Variants in DDX10 observed in about 807,000 individuals in gnomAD.
The protein encoded by DDX10 is DEAD-box helicase 10.
Under a neutral mutation model 104.3 loss-of-function variants are expected in DDX10, and 74 were observed. That is an observed-to-expected ratio of 0.71 (90% CI 0.59 to 0.86). The LOEUF (loss-of-function observed/expected upper bound fraction) is 0.86, where lower values mean the gene tolerates loss of function less well. DDX10 is among the 40% of genes least tolerant of loss of function. The probability of loss-of-function intolerance (pLI) is 0.00; values close to 1 mark genes in which losing one functional copy is unlikely to be tolerated. For synonymous variants in DDX10, 351 were observed against 353.4 expected, an observed-to-expected ratio of 0.99 and a Z score of 0.08; for missense variants, 952 against 1,040.0, an observed-to-expected ratio of 0.92 and a Z score of 1.16.
chr11:108,844,570 A>G (rs1862688052), intron 15 of DDX10, among the ~76,000 whole-genome samples: 1 of 152,230 alleles, frequency 6.6e-6, no homozygotes, highest in African/African-American at 2.4e-5. Context: ...AAAGTGAAGC[A>G]GTGATGTTTG....
chr11:108,741,163 G>C (rs543288791), intron 13 of DDX10, among the ~76,000 whole-genome samples: 2 of 152,204 alleles, frequency 1.3e-5, no homozygotes, highest in East Asian at 3.9e-4. Context: ...ATGAGCCTAT[G>C]CATCTGTTTT....
intron 6 of DDX10, among the ~76,000 whole-genome samples, chr11:108,684,141 C>CTTT (rs56168476): frequency 6.4e-5 from 2 of 31,308 alleles, no homozygotes; most frequent in African/African-American, 2.5e-4. Context: ...ATTTCCAGTT[C>CTTT]TTTTTTTTTT....
intron 13 of DDX10, among the ~76,000 whole-genome samples, chr11:108,782,005 C>T (rs1351425662): frequency 6.6e-6 from 1 of 152,192 alleles, no homozygotes; most frequent in African/African-American, 2.4e-5. Flanking sequence ...AGTAAATTTT[C>T]TCCTTGAGGA....
intron 13 of DDX10, among the ~76,000 whole-genome samples, chr11:108,782,797 A>G (rs1433462135): frequency 1.3e-5 from 2 of 152,142 alleles, no homozygotes; most frequent in Non-Finnish European, 2.9e-5. Flanking sequence ...GAGTATACAT[A>G]GAATCCAATA....
chr11:108,913,066 G>A (rs1863700679), intron 16 of DDX10, among the ~76,000 whole-genome samples: 1 of 152,178 alleles, frequency 6.6e-6, no homozygotes, highest in South Asian at 2.1e-4. Context: ...GGTTCTGTCA[G>A]CCCAAAACAT....
chr11:108,860,472 A>G (rs960730332), intron 16 of DDX10: 8 of 152,206 alleles, frequency 5.3e-5, no homozygotes, highest in Admixed American at 3.9e-4. Context: ...CACTTAGTCA[A>G]AATTGAAGAC....
At chr11:108,865,619 A>G (rs912123044) in intron 16 of DDX10, among the ~76,000 whole-genome samples, 2 of 152,072 alleles carry the variant, frequency 1.3e-5, no homozygotes, top group African/African-American at 4.8e-5. Context: ...AAATTGGTGA[A>G]TCATAGAGGA....
At chr11:108,723,956 T>C (rs973237680) in intron 13 of DDX10, among the ~76,000 whole-genome samples, 2 of 152,184 alleles carry the variant, frequency 1.3e-5, no homozygotes, top group African/African-American at 2.4e-5. Context: ...TATGAATGTT[T>C]ATGAAAAGTT....
chr11:108,718,787 C>A (rs563643795), intron 11 of DDX10, among the ~76,000 whole-genome samples: 2 of 152,158 alleles, frequency 1.3e-5, no homozygotes, highest in East Asian at 1.9e-4. Flanking sequence ...CTGGATAGAA[C>A]AAAAGTGATA....
rs869132450 is a variant in DDX10 at position 108,911,556 on chromosome 11, CTTTTTTTTTTTTTTTTTTT to C, written c.2305-6304_2305-6286del. Among the ~76,000 whole-genome samples the C allele has an allele frequency of 1.7e-4, 11 of 63,690 alleles. 1 individual carries two copies. In the Admixed American group the frequency reaches 1.9e-3, roughly 11 times the overall value. 41.8% of individuals were successfully genotyped at this position (63,690 alleles called of 152,430 possible). A position where few individuals can be genotyped will look rare whatever the true frequency, so the allele number is the denominator to read the frequency against. On this transcript the variant is annotated intron_variant, in intron 16 of 17. Transcript: ENST00000322536. ...GTTCCCAAAAGCTTTGCCTCCTCTT[CTTTTTTTTTTTTTTTTTTT>C]TTTTTTTTTTTTGAGACAGGACCTA...
intron 13 of DDX10, among the ~76,000 whole-genome samples, chr11:108,809,003 G>A (rs753624093): frequency 6.6e-6 from 1 of 151,896 alleles, no homozygotes; most frequent in African/African-American, 2.4e-5. Context: ...CATTCTAACT[G>A]TAATAGTGGA....
chr11:108,841,229 C>T, intron 14 of DDX10, 86 bp from the exon 15 acceptor site: 3 of 1,185,604 alleles, frequency 2.5e-6, no homozygotes, highest in Non-Finnish European at 3.6e-6. Context: ...GGTATCTGCA[C>T]CTTTTCAGAA....
chr11:108,726,007 G>C (rs779669580), intron 13 of DDX10, among the ~76,000 whole-genome samples: 3 of 151,972 alleles, frequency 2.0e-5, no homozygotes, highest in African/African-American at 4.8e-5. Flanking sequence ...TGGGTATCCA[G>C]TTGATCCAGT....
At chr11:108,876,767 G>A (rs756327123) in intron 16 of DDX10, among the ~76,000 whole-genome samples, 11 of 152,066 alleles carry the variant, frequency 7.2e-5, no homozygotes, top group Admixed American at 6.6e-4. Flanking sequence ...CTCTTACCAC[G>A]CTTTTCTAGA....
chr11:108,890,568 TAAA>T (rs558893673), intron 16 of DDX10, among the ~76,000 whole-genome samples: 5 of 137,546 alleles, frequency 3.6e-5, no homozygotes, highest in Non-Finnish European at 6.3e-5. Flanking sequence ...AAATGCCACT[TAAA>T]AAAAAAAAAA....
chr11:108,668,135 A>G (rs1317074864), intron 1 of DDX10, among the ~76,000 whole-genome samples: 3 of 152,240 alleles, frequency 2.0e-5, no homozygotes, highest in African/African-American at 7.2e-5. Flanking sequence ...GTGAACATTT[A>G]TCAAACTTTT....
chr11:108,847,995 C>G (rs1475666193), intron 15 of DDX10, among the ~76,000 whole-genome samples: 1 of 152,140 alleles, frequency 6.6e-6, no homozygotes, highest in Non-Finnish European at 1.5e-5. Flanking sequence ...CTACCTATTT[C>G]AAGCCATCAG....
intron 13 of DDX10, among the ~76,000 whole-genome samples, chr11:108,823,079 G>A (rs1862348175): frequency 6.6e-6 from 1 of 152,128 alleles, no homozygotes; most frequent in African/African-American, 2.4e-5. Context: ...TGATCCTGGA[G>A]GGTCCTTTTA....
intron 16 of DDX10, among the ~76,000 whole-genome samples, chr11:108,890,325 A>G (rs896480710): frequency 1.7e-4 from 26 of 152,296 alleles, no homozygotes; most frequent in African/African-American, 5.8e-4. Context: ...GTAGCTCCCA[A>G]CCGTAGCTGA....
Sources: allele counts gnomAD v4.1 joint callset (sites outside exome capture counted in the v4.1 genomes callset), GRCh38; gene constraint gnomAD v4.1.1; transcripts MANE v1.5; gene names NCBI Gene and HGNC (gene_info 2026-07-23, HGNC 2026-07-21).